The following QRICH1 variants were observed in gnomAD, a reference collection of about 807,000 sequenced individuals.
QRICH1 encodes the protein glutamine rich 1, also known as transcriptional regulator QRICH1.
QRICH1 carries 16 observed loss-of-function variants against 87.1 expected under a neutral mutation model. The ratio of observed to expected loss-of-function variants is 0.18; its 90% CI spans 0.12 to 0.28. QRICH1 has a LOEUF of 0.28. QRICH1 is among the 10% of genes least tolerant of loss of function. The probability of loss-of-function intolerance (pLI) is 1.00; values close to 1 mark genes in which losing one functional copy is unlikely to be tolerated. For missense variants in QRICH1, 647 were observed against 951.7 expected (o/e 0.68, Z 4.21); for synonymous variants, 367 against 368.4 (o/e 1.00, Z 0.05).
chr3:49,032,862 C>T, intron 7 of QRICH1, 89 bp from the exon 8 acceptor site: 3 of 1,432,656 alleles, frequency 2.1e-6, no homozygotes, highest in Non-Finnish European at 2.8e-6. Flanking sequence ...TCAGAGGAGC[C>T]ACTGCCCACA....
chr3:49,042,633 C>T (rs556635544), intron 6 of QRICH1, among the ~76,000 whole-genome samples: 5 of 151,544 alleles, frequency 3.3e-5, no homozygotes, highest in East Asian at 1.9e-4. Context: ...AATGCAGTGG[C>T]GCAATCTTGG....
chr3:49,063,478 C>G (rs901549206), intron 2 of QRICH1, among the ~76,000 whole-genome samples: 8 of 152,128 alleles, frequency 5.3e-5, no homozygotes, highest in African/African-American at 1.9e-4. Flanking sequence ...CAGCAGTTTT[C>G]AAGATTTCTT....
intron 1 of QRICH1, among the ~76,000 whole-genome samples, chr3:49,086,539 C>T (rs559026450): frequency 1.4e-4 from 21 of 152,210 alleles, no homozygotes; most frequent in South Asian, 8.3e-4. Context: ...TGAGCCACTG[C>T]GCCTGGCTCC....
At chr3:49,067,932 T>C (rs1302480442) in intron 2 of QRICH1, among the ~76,000 whole-genome samples, 6 of 149,442 alleles carry the variant, frequency 4.0e-5, no homozygotes, top group Non-Finnish European at 7.4e-5. Flanking sequence ...GCCCAGGCGA[T>C]AGAGCGAGAC....
chr3:49,041,432 A>G lies in QRICH1; in HGVS notation c.1786+2958T>C, dbSNP rs181142740. On this transcript the variant is annotated intron_variant, in intron 6 of 9. Transcript: ENST00000395443. ...GGTCTTGAACTCCTGGGCTCAAGCA[A>G]TCCTCTCACCATGGCCTCCCGAAAT... Among the ~76,000 whole-genome samples, 8 of 151,998 alleles carry G rather than the reference A, an allele frequency of 5.3e-5. 1 individual carries two copies. In the South Asian group the frequency reaches 6.2e-4, roughly 12 times the overall value.
At chr3:49,043,187 A>T (rs1267660000) in intron 6 of QRICH1, among the ~76,000 whole-genome samples, 1 of 152,120 alleles carries the variant, frequency 6.6e-6, no homozygotes, top group Non-Finnish European at 1.5e-5. Context: ...CTGGAAACCT[A>T]AAAGTACTCT....
At chr3:49,076,631 G>A in intron 2 of QRICH1, 78 bp downstream of exon 2, 9 of 1,262,024 alleles carry the variant, frequency 7.1e-6, no homozygotes, top group East Asian at 2.5e-5. Context: ...CCACATAGAT[G>A]TGATGAGCCC....
Position 49,064,225 on chromosome 3 carries a change from C to T in QRICH1, c.310-6335G>A, listed in dbSNP as rs921466450. 2.5e-4 allele frequency among the ~76,000 whole-genome samples: 37 copies of T among 147,824 alleles called. 1 individual carries two copies. Among genetic ancestry groups the T allele is most frequent in the Admixed American group, 9.5e-4 (14 of 14,736 alleles). On this transcript the variant is annotated intron_variant, in intron 2 of 9. Transcript: ENST00000395443. ...GGATTATAGGCGTGAGCCACCATGG[C>T]TGGCCCTAATTTTTTTTTTTTTTTT...
In QRICH1 at chr3:49,057,263, C is replaced by G. The variant is rs1470498885; in HGVS notation, c.937G>C (p.Val313Leu). The G allele has an allele frequency of 2.5e-6, 4 of 1,614,222 alleles. No homozygotes were observed. The highest frequency in any genetic ancestry group is 3.4e-6 in the Non-Finnish European group (4 of 1,180,050). The part of the protein sequence containing the change: ...SPTGETWTIP[V>L]YSAQPRGDPQ... ...TCCCCCCGGGGCTGGGCAGAATAAA[C>G]AGGGATGGTCCAGGTTTCTCCTGTA... The change falls in exon 3 of 10, where the codon GTT becomes CTT. Residue 313 changes from valine (V) to leucine (L), a missense_variant. Physicochemically the swap from Val to Leu is conservative, Grantham distance 32. Coordinates refer to ENST00000395443, the MANE Select transcript of QRICH1 (RefSeq NM_198880.3). The surrounding 1 kb of genome is among the most constrained non-coding windows in gnomAD (Gnocchi z 5.4).
intron 2 of QRICH1, among the ~76,000 whole-genome samples, chr3:49,070,916 T>C (rs922619550): frequency 3.3e-5 from 5 of 152,148 alleles, no homozygotes; most frequent in African/African-American, 7.2e-5. Context: ...GTGGCTTTTC[T>C]TTCTTCTGAG....
intron 1 of QRICH1, among the ~76,000 whole-genome samples, chr3:49,090,035 G>C (rs990864909): frequency 6.6e-6 from 1 of 152,118 alleles, no homozygotes; most frequent in Non-Finnish European, 1.5e-5. Context: ...AAAAACATGG[G>C]CGGGCGCAGT....
At chr3:49,036,696 CAA>C (rs11352728) in intron 6 of QRICH1, among the ~76,000 whole-genome samples, 190 of 146,106 alleles carry the variant, frequency 1.3e-3, no homozygotes, top group African/African-American at 3.9e-3. Context: ...AAAGAAAAAA[CAA>C]AAAAAAAAAA....
chr3:49,092,544 C>T (rs2042296241), intron 1 of QRICH1: 1 of 152,052 alleles, frequency 6.6e-6, no homozygotes, highest in Non-Finnish European at 1.5e-5. Flanking sequence ...CAATACAGTA[C>T]ATTAGAAAGA....
At chr3:49,089,784 C>T (rs1444147525) in intron 1 of QRICH1, among the ~76,000 whole-genome samples, 1 of 152,070 alleles carries the variant, frequency 6.6e-6, no homozygotes, top group Non-Finnish European at 1.5e-5. Context: ...AGGTTAAGGG[C>T]TACGGAGATG....
intron 7 of QRICH1, 76 bp from the exon 8 acceptor site, chr3:49,032,849 G>T: frequency 6.7e-7 from 1 of 1,485,378 alleles, no homozygotes; most frequent in Non-Finnish European, 9.1e-7. Flanking sequence ...GCCCACTGGT[G>T]CTTCAGAGGA....
At chr3:49,039,160 C>T (rs2093294596) in intron 6 of QRICH1, among the ~76,000 whole-genome samples, 1 of 151,810 alleles carries the variant, frequency 6.6e-6, no homozygotes, top group Admixed American at 6.6e-5. Flanking sequence ...AGTTCAAGAC[C>T]AGCCTGGCCA....
chr3:49,051,584 GCCC>G (rs11420410), intron 3 of QRICH1, among the ~76,000 whole-genome samples: 3 of 57,006 alleles, frequency 5.3e-5, no homozygotes, highest in Admixed American at 2.0e-4. Flanking sequence ...CCCCCCCTGC[GCCC>G]CCCCCCCCCT....
At chr3:49,061,958 A>G (rs151308644) in intron 2 of QRICH1, among the ~76,000 whole-genome samples, 7 of 152,346 alleles carry the variant, frequency 4.6e-5, no homozygotes, top group Non-Finnish European at 7.3e-5. Flanking sequence ...AAACCACTTT[A>G]TATCTAATAA....
intron 1 of QRICH1, among the ~76,000 whole-genome samples, chr3:49,087,818 C>CAAAAAAAAAAAAAAAAAAAAAAAAAA (rs58022360): frequency 1.7e-4 from 8 of 47,684 alleles, no homozygotes; most frequent in African/African-American, 6.1e-4. Context: ...AGGTTCATCT[C>CAAAAAAAAAAAAAAAAAAAAAAAAAA]AAAAAAAAAA....
Sources: allele counts gnomAD v4.1 joint callset (sites outside exome capture counted in the v4.1 genomes callset), GRCh38; gene constraint gnomAD v4.1.1; non-coding constraint Gnocchi (gnomAD v3.1); transcripts MANE v1.5; gene names NCBI Gene and HGNC (gene_info 2026-07-23, HGNC 2026-07-21).